Variants in TEAD1 observed in about 807,000 individuals in gnomAD.
The protein encoded by TEAD1 is TEA domain transcription factor 1, also known as transcriptional enhancer factor TEF-1.
TEAD1 carries 9 observed loss-of-function variants against 54.9 expected under a neutral mutation model. The ratio of observed to expected loss-of-function variants is 0.16; its 90% CI spans 0.10 to 0.29. The LOEUF (loss-of-function observed/expected upper bound fraction) is 0.29. Among genes scored for constraint, TEAD1 ranks in the 10% least tolerant of loss-of-function variants. The pLI is 1.00. For synonymous variants in TEAD1, 200 were observed against 187.8 expected (o/e 1.07, Z -0.53); for missense variants, 387 against 535.9 (o/e 0.72, Z 2.74).
chr11:12,797,927 T>C (rs1355354332), intron 3 of TEAD1, among the ~76,000 whole-genome samples: 1 of 152,232 alleles, frequency 6.6e-6, no homozygotes, highest in Non-Finnish European at 1.5e-5. Context: ...CTTTTGTATG[T>C]TCATTTTTCC....
intron 12 of TEAD1, among the ~76,000 whole-genome samples, chr11:12,933,303 A>G (rs1003914231): frequency 6.6e-6 from 1 of 152,222 alleles, no homozygotes; most frequent in Non-Finnish European, 1.5e-5. Context: ...CTATCAATCA[A>G]TATATATTAG....
chr11:12,774,218 G>A (rs1462617262), intron 3 of TEAD1, among the ~76,000 whole-genome samples: 2 of 152,190 alleles, frequency 1.3e-5, no homozygotes, highest in Non-Finnish European at 2.9e-5. Flanking sequence ...CAGGGGATGA[G>A]TTTCGAGGTG....
At chr11:12,862,584 T>G (rs1174296327) in intron 4 of TEAD1, among the ~76,000 whole-genome samples, 1 of 152,194 alleles carries the variant, frequency 6.6e-6, no homozygotes, top group Non-Finnish European at 1.5e-5. Context: ...TGTACTGTAT[T>G]TCAAAGCTGA....
Position 12,939,422 on chromosome 11 carries a change from A to G in TEAD1, c.*2200A>G, listed in dbSNP as rs1217623338. The G allele has an allele frequency of 2.6e-5, 4 of 152,320 alleles. 1 individual carries two copies. The highest frequency in any genetic ancestry group is 9.6e-5 in the African/African-American group (4 of 41,470). 9.4% of individuals were successfully genotyped at this position (152,320 alleles called of 1,614,324 possible). A position where few individuals can be genotyped will look rare whatever the true frequency, so the allele number is the denominator to read the frequency against. On this transcript the variant is annotated 3_prime_UTR_variant, in exon 13 of 13. Transcript: ENST00000527636. ...AAATGGCTAAAAGCCAAGCTGTCCT[A>G]GAACTTCAGTGGGAGAGCTGTCTGG...
intron 2 of TEAD1, among the ~76,000 whole-genome samples, chr11:12,760,679 T>A (rs1220956623): frequency 6.6e-6 from 1 of 152,176 alleles, no homozygotes; most frequent in Non-Finnish European, 1.5e-5. Context: ...AGAATCGAGG[T>A]AATTTGCGTG....
chr11:12,799,706 G>T (rs1266619252), intron 3 of TEAD1, among the ~76,000 whole-genome samples: 1 of 152,226 alleles, frequency 6.6e-6, no homozygotes, highest in Non-Finnish European at 1.5e-5. Flanking sequence ...TAGTACCTTG[G>T]AATTTGAACC....
intron 5 of TEAD1, among the ~76,000 whole-genome samples, chr11:12,866,495 C>A (rs1947620449): frequency 1.3e-5 from 2 of 152,214 alleles, no homozygotes; most frequent in South Asian, 4.1e-4. Context: ...GAGTTTTCTT[C>A]CATAGAAACA....
At chr11:12,732,337 A>C (rs1046674060) in intron 2 of TEAD1, among the ~76,000 whole-genome samples, 1 of 152,310 alleles carries the variant, frequency 6.6e-6, no homozygotes, top group Admixed American at 6.5e-5. Context: ...ACCATATCCT[A>C]TTAATTCTCC....
chr11:12,880,159 G>T (rs1419663669), intron 6 of TEAD1, among the ~76,000 whole-genome samples: 4 of 152,176 alleles, frequency 2.6e-5, no homozygotes, highest in African/African-American at 9.7e-5. Flanking sequence ...GCCTTTCTGG[G>T]TTGGGCTCAG....
chr11:12,811,666 A>G (rs1320238347), intron 3 of TEAD1, among the ~76,000 whole-genome samples: 1 of 152,082 alleles, frequency 6.6e-6, no homozygotes, highest in Admixed American at 6.5e-5. Flanking sequence ...TTGAGGTGGG[A>G]CCCAGAAGTC....
intron 2 of TEAD1, among the ~76,000 whole-genome samples, chr11:12,731,314 CAG>C (rs1241517009): frequency 3.9e-5 from 6 of 152,018 alleles, no homozygotes; most frequent in Non-Finnish European, 8.8e-5. Flanking sequence ...AAGCAAAATA[CAG>C]AGAAGCAAAA....
chr11:12,808,352 C>T (rs1277207784), intron 3 of TEAD1, among the ~76,000 whole-genome samples: 1 of 152,182 alleles, frequency 6.6e-6, no homozygotes, highest in East Asian at 1.9e-4. Context: ...CAGCTCTACC[C>T]TTGAGCCTTC....
chr11:12,803,753 C>A (rs1006973078), intron 3 of TEAD1, among the ~76,000 whole-genome samples: 35 of 152,208 alleles, frequency 2.3e-4, no homozygotes, highest in African/African-American at 8.0e-4. Context: ...ATGAGGTCTC[C>A]TGTATCCTTC....
chr11:12,755,439 C>A (rs1285895510), intron 2 of TEAD1, among the ~76,000 whole-genome samples: 7 of 152,030 alleles, frequency 4.6e-5, no homozygotes, highest in African/African-American at 9.7e-5. Context: ...CTGGTGTTTT[C>A]TTTATTTTTA....
intron 3 of TEAD1, among the ~76,000 whole-genome samples, chr11:12,821,739 C>T (rs530180767): frequency 6.2e-4 from 94 of 152,186 alleles, no homozygotes; most frequent in African/African-American, 2.2e-3. Context: ...GATCAACAAC[C>T]TGTGTGGAAC....
At chr11:12,677,323 C>A (rs568464312) in intron 2 of TEAD1, among the ~76,000 whole-genome samples, 1 of 152,196 alleles carries the variant, frequency 6.6e-6, no homozygotes, top group African/African-American at 2.4e-5. Context: ...TGTGCCCAGG[C>A]CCCAGCAGCA....
intron 2 of TEAD1, among the ~76,000 whole-genome samples, chr11:12,681,339 C>G (rs1414095019): frequency 6.6e-6 from 1 of 152,178 alleles, no homozygotes; most frequent in African/African-American, 2.4e-5. Flanking sequence ...TTTTGTTATG[C>G]ATTCAGAATA....
chr11:12,773,900 G>C (rs1208897726), intron 3 of TEAD1, among the ~76,000 whole-genome samples: 1 of 152,156 alleles, frequency 6.6e-6, no homozygotes, highest in African/African-American at 2.4e-5. Context: ...CCTGTGTCTT[G>C]TTCTAAGAGT....
intron 2 of TEAD1, among the ~76,000 whole-genome samples, chr11:12,746,813 C>T (rs1029856651): frequency 3.9e-5 from 6 of 152,240 alleles, no homozygotes; most frequent in African/African-American, 7.2e-5. Context: ...AGCCAGGCTG[C>T]GTTCTCCCAG....
Sources: allele counts gnomAD v4.1 joint callset (sites outside exome capture counted in the v4.1 genomes callset), GRCh38; gene constraint gnomAD v4.1.1; transcripts MANE v1.5; gene names NCBI Gene and HGNC (gene_info 2026-07-23, HGNC 2026-07-21).